The following NLRP14 variants were observed in gnomAD, a reference collection of about 807,000 sequenced individuals.
NLRP14 encodes the protein NLR family pyrin domain containing 14, also known as NACHT, LRR and PYD domains-containing protein 14.
In NLRP14, 105 loss-of-function variants were observed where a neutral mutation model predicts 94.7. The ratio of observed to expected loss-of-function variants is 1.11; its 90% CI spans 0.95 to 1.30. NLRP14 has a LOEUF of 1.30. Among genes scored for constraint, NLRP14 ranks in the 50% most tolerant of loss-of-function variants. NLRP14 has a pLI of 0.00. For synonymous variants in NLRP14, 508 were observed against 459.9 expected, an observed-to-expected ratio of 1.10 and a Z score of -1.34; for missense variants, 1,362 against 1,254.1, an observed-to-expected ratio of 1.09 and a Z score of -1.30.
intron 6 of NLRP14, among the ~76,000 whole-genome samples, chr11:7,054,703 G>T (rs1463152271): frequency 6.6e-6 from 1 of 151,904 alleles, no homozygotes; most frequent in East Asian, 1.9e-4. Context: ...CTCGTTATTA[G>T]CCCCTTGTCA....
In NLRP14 at chr11:7,049,776, T is replaced by C. The variant is rs759168587; in HGVS notation, c.2229T>C (p.Asp743=). ...ACCTAAAAGGGAGTGATATAGGGGA[T>C]AATGGAGTAAAGTCATTGTGTGAGG... ...HLDLKGSDIG[D]NGVKSLCEAL... is the part of the protein sequence containing the mutation. The change falls in exon 6 of 12, where the codon GAT becomes GAC. Residue 743 remains aspartate, a synonymous_variant. Transcript: ENST00000299481. 4.3e-6 allele frequency: 7 copies of C among 1,610,868 alleles called. No homozygotes were observed. In the South Asian group the frequency reaches 7.7e-5, roughly 18 times the overall value.
intron 2 of NLRP14, 41 bp from the exon 3 acceptor site, chr11:7,039,673 G>A: frequency 6.7e-7 from 1 of 1,502,472 alleles, no homozygotes; most frequent in Admixed American, 1.7e-5. Flanking sequence ...AGCTCACTTT[G>A]TTTTCATTAA....
At chr11:7,022,442 T>A (rs1460033651) in intron 1 of NLRP14, among the ~76,000 whole-genome samples, 1 of 152,206 alleles carries the variant, frequency 6.6e-6, no homozygotes, top group Non-Finnish European at 1.5e-5. Flanking sequence ...CTTGAAGGCA[T>A]AGAATTTTCC....
In NLRP14 at chr11:7,069,509, G is replaced by A. The variant is rs865871125; in HGVS notation, c.2976-777G>A. Among the ~76,000 whole-genome samples the A allele has an allele frequency of 2.6e-5, 4 of 152,296 alleles. No homozygotes were observed. The South Asian group carries it at 6.2e-4, about 24-fold the overall frequency. Reference sequence around the variant, plus strand: ...TGGGTTGGCTAATTTATCTCCATTAGCCATTCTCTTTCCCACCTATAGGCA... The same window carrying A: ...TGGGTTGGCTAATTTATCTCCATTAACCATTCTCTTTCCCACCTATAGGCA... On this transcript the variant is annotated intron_variant, in intron 10 of 11. Coordinates refer to ENST00000299481, the MANE Select transcript of NLRP14 (RefSeq NM_176822.4).
chr11:7,023,568 A>G (rs1392926629), intron 1 of NLRP14, among the ~76,000 whole-genome samples: 2 of 148,100 alleles, frequency 1.4e-5, no homozygotes, highest in Admixed American at 1.4e-4. Flanking sequence ...ATATTTATAT[A>G]TAAAAATCTC....
At chr11:7,048,178 A>G (rs993443668) in intron 5 of NLRP14, among the ~76,000 whole-genome samples, 1 of 152,214 alleles carries the variant, frequency 6.6e-6, no homozygotes, top group Admixed American at 6.5e-5. Flanking sequence ...TACTTATACT[A>G]TAATTTGTTT....
chr11:7,080,819 T>C, the NLRP14 span, among the ~76,000 whole-genome samples: 1 of 152,222 alleles, frequency 6.6e-6, no homozygotes, highest in East Asian at 1.9e-4. Flanking sequence ...ACAGGTTTTC[T>C]TTAGTTAAAA....
downstream of NLRP14, among the ~76,000 whole-genome samples, chr11:7,074,463 A>C (rs1852848333): frequency 6.6e-6 from 1 of 152,244 alleles, no homozygotes; most frequent in Admixed American, 6.5e-5. Flanking sequence ...GGCTGCAGTC[A>C]TCGTCTCATC....
chr11:7,068,449 T>C (rs1589875292), intron 10 of NLRP14, among the ~76,000 whole-genome samples: 1 of 152,314 alleles, frequency 6.6e-6, no homozygotes, highest in East Asian at 1.9e-4. Context: ...ATTTGTAAAC[T>C]TCCCTAGAAC....
At chr11:7,062,224 A>G in intron 9 of NLRP14, 109 bp from the exon 10 acceptor site, 1 of 908,834 alleles carries the variant, frequency 1.1e-6, no homozygotes, top group South Asian at 1.4e-5. Flanking sequence ...TGGATTGTAG[A>G]TAGAAAAGAG....
At chr11:7,048,721 A>T (rs531884180) in intron 5 of NLRP14, among the ~76,000 whole-genome samples, 1 of 152,208 alleles carries the variant, frequency 6.6e-6, no homozygotes, top group Admixed American at 6.5e-5. Context: ...TTGTCCCTTC[A>T]TTGGATGTCA....
chr11:7,076,968 C>T, the NLRP14 span, among the ~76,000 whole-genome samples: 6 of 152,202 alleles, frequency 3.9e-5, no homozygotes, highest in African/African-American at 1.2e-4. Context: ...CCCAGCAACT[C>T]GGTGAAGATA....
In NLRP14 at chr11:7,060,188, C is replaced by G. The variant is rs1352471376; in HGVS notation, c.2804+124C>G. 6 of 878,328 alleles carry G rather than the reference C, an allele frequency of 6.8e-6. No homozygotes were observed. The Admixed American group carries it at 7.0e-5, about 10-fold the overall frequency. 54.4% of individuals were successfully genotyped at this position (878,328 alleles called of 1,614,324 possible). On this transcript the variant is annotated intron_variant, in intron 9 of 11. Coordinates refer to ENST00000299481, the MANE Select transcript of NLRP14 (RefSeq NM_176822.4). ...AGAATATAAAGCTGATTTTCCCTCT[C>G]TCTTCTGCCTGAGACAAGCTGGGGA... is the stretch of plus-strand genomic sequence containing the variant.
Position 7,042,836 on chromosome 11 carries a change from ACCTGAG to A in NLRP14, c.811_816del (p.Pro271_Glu272del). 6.2e-7 allele frequency: 1 copy of A among 1,614,136 alleles called. No homozygotes were observed. Among genetic ancestry groups the A allele is most frequent in the Non-Finnish European group, 8.5e-7 (1 of 1,180,002 alleles). On this transcript the variant is annotated inframe_deletion, in exon 4 of 12. Coordinates refer to ENST00000299481, the MANE Select transcript of NLRP14 (RefSeq NM_176822.4). ...ATGAACTGAACTTTGCCTTTGAAGA[ACCTGAG>A]TTTGCACTGTGCGAAGACTGGACCC...
At chr11:7,037,997 T>C (rs1852185061) in intron 1 of NLRP14, among the ~76,000 whole-genome samples, 1 of 151,966 alleles carries the variant, frequency 6.6e-6, no homozygotes, top group South Asian at 2.1e-4. Flanking sequence ...TATATGTATT[T>C]ATGACCAGAA....
chr11:7,041,623 CACTG>C (rs1783195069), intron 3 of NLRP14, among the ~76,000 whole-genome samples: 1 of 152,142 alleles, frequency 6.6e-6, no homozygotes, highest in Non-Finnish European at 1.5e-5. Context: ...ATGTGTTAGA[CACTG>C]ACCATGCAAT....
At chr11:7,081,844 G>T in the NLRP14 span, among the ~76,000 whole-genome samples, 1 of 152,124 alleles carries the variant, frequency 6.6e-6, no homozygotes, top group East Asian at 1.9e-4. Flanking sequence ...TAAATGATTG[G>T]CCATCAGTGA....
intron 10 of NLRP14, among the ~76,000 whole-genome samples, chr11:7,067,061 A>AT (rs1222092440): frequency 1.4e-4 from 22 of 152,016 alleles, no homozygotes; most frequent in African/African-American, 4.8e-4. Context: ...ATTGGTCTAT[A>AT]TATCTGTTTT....
At chr11:7,050,330 A>T (rs922185549) in intron 6 of NLRP14, among the ~76,000 whole-genome samples, 2 of 152,182 alleles carry the variant, frequency 1.3e-5, no homozygotes, top group Non-Finnish European at 2.9e-5. Flanking sequence ...GAGCATGGAA[A>T]TGGTCCTCTT....
Sources: gnomAD v4.1 joint callset for allele counts (sites outside exome capture counted in the v4.1 genomes callset) on GRCh38, gnomAD v4.1.1 for gene constraint, MANE v1.5 for transcripts, NCBI Gene and HGNC (gene_info 2026-07-23, HGNC 2026-07-21) for gene names.